The following PSD2 variants were observed in gnomAD, a reference collection of about 807,000 sequenced individuals.
PSD2 encodes the protein pleckstrin and Sec7 domain containing 2, also known as PH and SEC7 domain-containing protein 2.
A neutral mutation model predicts 69.8 loss-of-function variants in PSD2; 38 were observed. The ratio of observed to expected loss-of-function variants is 0.54; its 90% CI spans 0.42 to 0.71. The LOEUF (loss-of-function observed/expected upper bound fraction) is 0.71, where lower values mean the gene tolerates loss of function less well. Ranked by LOEUF, PSD2 falls within the 30% of genes least tolerant of loss-of-function variation. PSD2 has a pLI of 0.00. For synonymous variants in PSD2, 412 were observed against 423.0 expected (o/e 0.97, Z 0.32); for missense variants, 943 against 1,014.5 (o/e 0.93, Z 0.96).
chr5:139,750,853 G>A, the PSD2 span, among the ~76,000 whole-genome samples: 2 of 152,196 alleles, frequency 1.3e-5, no homozygotes, highest in African/African-American at 4.8e-5. Flanking sequence ...GAGGCCTGGG[G>A]CAACTTCCAG....
chr5:139,842,196 T>A lies in PSD2; in HGVS notation c.2113-75T>A, dbSNP rs147699222. The A allele has an allele frequency of 5.4e-5, 66 of 1,219,294 alleles. No individual in the cohort carries two copies. In the African/African-American group the frequency reaches 8.7e-4, roughly 16 times the overall value. 75.5% of individuals were successfully genotyped at this position (1,219,294 alleles called of 1,614,324 possible). A position where few individuals can be genotyped will look rare whatever the true frequency, so the allele number is the denominator to read the frequency against. Reference sequence around the variant, plus strand: ...GCTCTCTGCATATTAAGGAAATTAGTCTTTTGTCATATAAGGTGCACATAC... The same window carrying A: ...GCTCTCTGCATATTAAGGAAATTAGACTTTTGTCATATAAGGTGCACATAC... On this transcript the variant is annotated intron_variant, in intron 14 of 14. Transcript: ENST00000274710.
At chr5:139,805,020 C>A (rs570815087) in intron 1 of PSD2, among the ~76,000 whole-genome samples, 1 of 150,204 alleles carries the variant, frequency 6.7e-6, no homozygotes, top group Non-Finnish European at 1.5e-5. Context: ...TGAGTGTGTG[C>A]GTGTGTGTGT....
chr5:139,772,488 T>C, the PSD2 span: 1 of 152,368 alleles, frequency 6.6e-6, no homozygotes, highest in African/African-American at 2.4e-5. Context: ...GAACACCTTC[T>C]GTCCCCTCTC....
chr5:139,806,260 C>T (rs1217114454), intron 1 of PSD2, among the ~76,000 whole-genome samples: 3 of 152,246 alleles, frequency 2.0e-5, no homozygotes, highest in Non-Finnish European at 4.4e-5. Flanking sequence ...CACCCGCTCC[C>T]CTGCTCTTGC....
the PSD2 span, among the ~76,000 whole-genome samples, chr5:139,747,558 G>A: frequency 6.6e-6 from 1 of 152,232 alleles, no homozygotes; most frequent in Non-Finnish European, 1.5e-5. This position sits in a 1 kb window ranked among gnomAD's most constrained non-coding sequence, Gnocchi z 6.7. Context: ...GGCTGTTGCC[G>A]GATGGGTGGC....
intron 1 of PSD2, 143 bp downstream of exon 1, chr5:139,796,118 A>G (rs1329218475): frequency 6.6e-6 from 1 of 152,102 alleles, no homozygotes; most frequent in African/African-American, 2.4e-5. Flanking sequence ...TAACAAAGCT[A>G]CATTTCCAGA....
the PSD2 span, among the ~76,000 whole-genome samples, chr5:139,767,006 T>TTTCTTTCTTTCC: frequency 6.8e-6 from 1 of 147,232 alleles, no homozygotes; most frequent in Non-Finnish European, 1.5e-5. Context: ...TCCTTCTTTC[T>TTTCTTTCTTTCC]TTCTTTCTCA....
the PSD2 span, among the ~76,000 whole-genome samples, chr5:139,777,915 G>A: frequency 2.0e-5 from 3 of 152,190 alleles, no homozygotes; most frequent in East Asian, 1.9e-4. Flanking sequence ...AAATGTAGGA[G>A]CATTTTGCTG....
intron 7 of PSD2, among the ~76,000 whole-genome samples, chr5:139,828,758 C>A (rs936131456): frequency 6.6e-5 from 10 of 152,162 alleles, no homozygotes; most frequent in Admixed American, 2.0e-4. Flanking sequence ...AAAGGCCTGG[C>A]TCCTGTGGGG....
chr5:139,828,523 C>A (rs1760487376), intron 7 of PSD2, among the ~76,000 whole-genome samples: 1 of 152,194 alleles, frequency 6.6e-6, no homozygotes, highest in South Asian at 2.1e-4. Context: ...GTGACAGAGC[C>A]TCACACAATA....
Position 139,837,628 on chromosome 5 carries a change from G to T in PSD2, c.1669G>T (p.Glu557Ter). 1 of 1,596,930 alleles carries T rather than the reference G, an allele frequency of 6.3e-7. No individual in the cohort carries two copies. The highest frequency in any genetic ancestry group is 1.1e-5 in the South Asian group (1 of 90,020). Residue 557 changes from glutamate to a stop codon, truncating the protein, a stop_gained, in exon 12 of 15, where the codon GAG becomes TAG. Coordinates refer to ENST00000274710, the MANE Select transcript of PSD2 (RefSeq NM_032289.4). LOFTEE classifies it high-confidence loss of function. The surrounding 1 kb of genome is among the most constrained non-coding windows in gnomAD (Gnocchi z 5.0). Reference protein sequence around the residue: ...KGTILYLQKDEYRPDKALSEG... With the variant: ...KGTILYLQKD ...TCGCCCATCCTGCCCCACCCAGGAT[G>T]AGTACAGGCCTGACAAAGCTCTATC...
intron 4 of PSD2, among the ~76,000 whole-genome samples, chr5:139,816,012 A>AAC (rs1228998759): frequency 1.3e-5 from 2 of 149,932 alleles, no homozygotes; most frequent in Non-Finnish European, 3.0e-5. Context: ...AAAAAAAAAA[A>AAC]AAAAGAAAAT....
the PSD2 span, among the ~76,000 whole-genome samples, chr5:139,781,835 T>C: frequency 6.6e-6 from 1 of 152,166 alleles, no homozygotes; most frequent in Non-Finnish European, 1.5e-5. Context: ...GGTTTCACCA[T>C]GTTGGGCAGG....
chr5:139,792,174 G>A (rs1482117310), upstream of PSD2, among the ~76,000 whole-genome samples: 1 of 151,940 alleles, frequency 6.6e-6, no homozygotes, highest in African/African-American at 2.4e-5. Context: ...TGGGGGTGCT[G>A]GGGACAGGGG....
At chr5:139,787,268 G>A in the PSD2 span, among the ~76,000 whole-genome samples, 1 of 152,192 alleles carries the variant, frequency 6.6e-6, no homozygotes, top group Non-Finnish European at 1.5e-5. Flanking sequence ...CCATGCCTGA[G>A]CTGCAGGCTA....
At chr5:139,830,626 C>CTTTCTCTTTCTTTCTTTCTT (rs58644184) in intron 7 of PSD2, among the ~76,000 whole-genome samples, 21 of 97,670 alleles carry the variant, frequency 2.2e-4, no homozygotes, top group African/African-American at 8.5e-4. Context: ...TTCTTTCTTT[C>CTTTCTCTTTCTTTCTTTCTT]TCTTTCTTTC....
chr5:139,819,719 G>A (rs1344390013), intron 5 of PSD2, among the ~76,000 whole-genome samples: 1 of 152,178 alleles, frequency 6.6e-6, no homozygotes, highest in Admixed American at 6.5e-5. Flanking sequence ...AAAACCCATG[G>A]TTTTTATTGT....
the PSD2 span, among the ~76,000 whole-genome samples, chr5:139,756,943 C>G: frequency 6.6e-6 from 1 of 152,322 alleles, no homozygotes; most frequent in South Asian, 2.1e-4. Context: ...AATTGCAGGT[C>G]AGGCCCGAGT....
chr5:139,784,102 G>C, the PSD2 span, among the ~76,000 whole-genome samples: 1 of 151,608 alleles, frequency 6.6e-6, no homozygotes, highest in South Asian at 2.1e-4. Flanking sequence ...CCACCACACT[G>C]GCTAATTTTT....
Sources: gnomAD v4.1 joint callset for allele counts (sites outside exome capture counted in the v4.1 genomes callset) on GRCh38, gnomAD v4.1.1 for gene constraint, Gnocchi (gnomAD v3.1) non-coding constraint, MANE v1.5 for transcripts, NCBI Gene and HGNC (gene_info 2026-07-23, HGNC 2026-07-21) for gene names.